KAT6B: variants seen among roughly 807,000 people sequenced by gnomAD.
KAT6B encodes lysine acetyltransferase 6B, also known as histone acetyltransferase KAT6B.
A neutral mutation model predicts 187.5 loss-of-function variants in KAT6B; 10 were observed. The observed-to-expected ratio is 0.05, with a 90% CI of 0.03 to 0.09. The LOEUF (loss-of-function observed/expected upper bound fraction) is 0.09. Among genes scored for constraint, KAT6B ranks in the 10% least tolerant of loss-of-function variants. The pLI, the probability that KAT6B is intolerant of heterozygous loss-of-function variation, is 1.00. For missense variants in KAT6B, 1,952 were observed against 2,558.9 expected (o/e 0.76, Z 5.12); for synonymous variants, 861 against 926.8 (o/e 0.93, Z 1.29).
chr10:74,885,685 G>GCC (rs1254003179), intron 3 of KAT6B, among the ~76,000 whole-genome samples: 2 of 151,904 alleles, frequency 1.3e-5, no homozygotes. Flanking sequence ...AGGTGAGGCT[G>GCC]CCTATTTTGA....
At chr10:74,871,014 A>G (rs1268809942) in intron 3 of KAT6B, among the ~76,000 whole-genome samples, 2 of 150,576 alleles carry the variant, frequency 1.3e-5, no homozygotes, top group Non-Finnish European at 1.5e-5. Flanking sequence ...AGTAGCTGGG[A>G]TTACAGGTGC....
At chr10:74,861,344 T>C (rs184466327) in intron 3 of KAT6B, among the ~76,000 whole-genome samples, 2 of 152,358 alleles carry the variant, frequency 1.3e-5, no homozygotes, top group East Asian at 1.9e-4. Flanking sequence ...ACAGCTGTTA[T>C]TCCTTTTCAA....
At chr10:74,850,545 C>G (rs1022265927) in intron 3 of KAT6B, among the ~76,000 whole-genome samples, 3 of 152,132 alleles carry the variant, frequency 2.0e-5, no homozygotes, top group African/African-American at 7.2e-5. Flanking sequence ...GGCTTCTTAG[C>G]ATAAATTCTT....
intron 11 of KAT6B, chr10:74,983,479 C>A (rs943324448): frequency 6.6e-6 from 1 of 152,242 alleles, no homozygotes; most frequent in Non-Finnish European, 1.5e-5. Flanking sequence ...TGAAGCTTAG[C>A]TAATGTCACA....
At chr10:74,917,061 C>T (rs1847744108) in intron 3 of KAT6B, among the ~76,000 whole-genome samples, 2 of 152,174 alleles carry the variant, frequency 1.3e-5, no homozygotes. Context: ...ACTGAGATCA[C>T]ACCACTGCCC....
intron 3 of KAT6B, among the ~76,000 whole-genome samples, chr10:74,917,294 T>C (rs1344688157): frequency 6.6e-6 from 1 of 152,170 alleles, no homozygotes; most frequent in Non-Finnish European, 1.5e-5. Flanking sequence ...AGCACAGTTA[T>C]AAAAAAATTA....
intron 3 of KAT6B, among the ~76,000 whole-genome samples, chr10:74,844,101 T>C (rs1731249511): frequency 6.6e-6 from 1 of 152,222 alleles, no homozygotes; most frequent in Non-Finnish European, 1.5e-5. Context: ...CTCAAGCTCC[T>C]GACCTCAAGT....
chr10:74,968,121 A>G (rs1841601055), intron 4 of KAT6B, among the ~76,000 whole-genome samples: 1 of 152,206 alleles, frequency 6.6e-6, no homozygotes, highest in Non-Finnish European at 1.5e-5. Flanking sequence ...TGATCAAAGT[A>G]GACCTCTCCC....
intron 3 of KAT6B, among the ~76,000 whole-genome samples, chr10:74,921,743 A>T (rs1293030418): frequency 6.6e-6 from 1 of 152,144 alleles, no homozygotes; most frequent in Non-Finnish European, 1.5e-5. Flanking sequence ...GCAATTTTCT[A>T]GTGGCTGCTT....
chr10:74,893,761 C>T (rs529568268), intron 3 of KAT6B, among the ~76,000 whole-genome samples: 9 of 152,180 alleles, frequency 5.9e-5, no homozygotes, highest in South Asian at 2.1e-4. Context: ...TGAGCCACCA[C>T]GCCCAGCCAA....
intron 5 of KAT6B, 36 bp downstream of exon 5, chr10:74,969,811 T>C (rs752917405): frequency 7.0e-7 from 1 of 1,425,294 alleles, no homozygotes; most frequent in Non-Finnish European, 9.9e-7. Flanking sequence ...TCCAGGTAAC[T>C]CGCTAATTTC....
At chr10:74,926,771 G>T (rs1432283604) in intron 3 of KAT6B, among the ~76,000 whole-genome samples, 1 of 152,210 alleles carries the variant, frequency 6.6e-6, no homozygotes, top group African/African-American at 2.4e-5. Context: ...GCATGGGACA[G>T]AGGTTTTGTT....
chr10:74,851,429 G>A (rs1385745739), intron 3 of KAT6B, among the ~76,000 whole-genome samples: 2 of 151,696 alleles, frequency 1.3e-5, no homozygotes, highest in Non-Finnish European at 2.9e-5. Flanking sequence ...CGCCTCCCTG[G>A]TTCAAGCAAT....
intron 3 of KAT6B, among the ~76,000 whole-genome samples, chr10:74,950,207 T>C (rs1326404427): frequency 2.0e-5 from 3 of 152,186 alleles, no homozygotes; most frequent in Non-Finnish European, 4.4e-5. Flanking sequence ...TGTCTACTTA[T>C]GTCCAATTCA....
At chr10:74,904,924 G>A (rs1880690) in intron 3 of KAT6B, among the ~76,000 whole-genome samples, 43,201 of 151,946 alleles carry the variant, frequency 0.28, 10,975 homozygotes, top group African/African-American at 0.67. Context: ...AGTTTAGATT[G>A]TTAGAGAACT....
At chr10:74,888,321 A>G (rs1222730930) in intron 3 of KAT6B, among the ~76,000 whole-genome samples, 1 of 152,246 alleles carries the variant, frequency 6.6e-6, no homozygotes, top group Non-Finnish European at 1.5e-5. Flanking sequence ...TAAAAAACAA[A>G]TAACAGACTA....
chr10:74,941,160 T>C (rs1218999097), intron 3 of KAT6B, among the ~76,000 whole-genome samples: 1 of 152,210 alleles, frequency 6.6e-6, no homozygotes, highest in Non-Finnish European at 1.5e-5. Context: ...CCAGCTGTTA[T>C]CTGTGCACCC....
At position 75,029,939 on chromosome 10, in the gene KAT6B, C is replaced by T. The variant is rs1362733215; in HGVS notation, c.5115C>T (p.Ser1705=). Residue 1705 remains serine (S), a synonymous_variant, in exon 18 of 18, where the codon TCC becomes TCT. Coordinates refer to ENST00000287239, the MANE Select transcript of KAT6B (RefSeq NM_012330.4). This position sits in a 1 kb window ranked among gnomAD's most constrained non-coding sequence, Gnocchi z 6.2. ...ACGGCTCTTCACAGAACAGCTGCTC[C>T]TATAGCAACCTCACCTCCAGCAGTC... is the stretch of plus-strand genomic sequence containing the variant. ...CGNGSSQNSC[S]YSNLTSSSLT... is the part of the protein sequence containing the mutation. 1 of 1,614,216 alleles carries T rather than the reference C, an allele frequency of 6.2e-7. No individual in the cohort carries two copies. Among genetic ancestry groups the T allele is most frequent in the Middle Eastern group, 1.6e-4 (1 of 6,062 alleles).
At chr10:74,863,667 A>C (rs576220066) in intron 3 of KAT6B, among the ~76,000 whole-genome samples, 17 of 152,298 alleles carry the variant, frequency 1.1e-4, no homozygotes, top group African/African-American at 3.9e-4. Flanking sequence ...GATCCTTAGG[A>C]GTTACTTTGC....
Sources: allele counts gnomAD v4.1 joint callset (sites outside exome capture counted in the v4.1 genomes callset), GRCh38; gene constraint gnomAD v4.1.1; non-coding constraint Gnocchi (gnomAD v3.1); transcripts MANE v1.5; gene names NCBI Gene and HGNC (gene_info 2026-07-23, HGNC 2026-07-21).